Variants in HMCN1 observed in about 807,000 individuals in gnomAD.
The protein encoded by HMCN1 is hemicentin-1.
In HMCN1, 321 loss-of-function variants were observed where a neutral mutation model predicts 625.9. That is an observed-to-expected ratio of 0.51 (90% confidence interval 0.47 to 0.56). HMCN1 has a LOEUF of 0.56. HMCN1 is among the 20% of genes least tolerant of loss of function. HMCN1 has a pLI of 0.00. For synonymous variants in HMCN1, 2,425 were observed against 2,417.6 expected (o/e 1.00, Z -0.09); for missense variants, 6,588 against 6,887.3 (o/e 0.96, Z 1.54).
chr1:186,086,694 C>A (rs1056670697), intron 58 of HMCN1, among the ~76,000 whole-genome samples: 4 of 151,976 alleles, frequency 2.6e-5, no homozygotes, highest in Admixed American at 2.6e-4. Flanking sequence ...GCAAATAGTA[C>A]TTTCATTGGA....
chr1:186,010,955 T>C (rs1014816501), intron 30 of HMCN1, among the ~76,000 whole-genome samples: 3 of 152,118 alleles, frequency 2.0e-5, no homozygotes, highest in Non-Finnish European at 2.9e-5. Context: ...ATGAGAAAAA[T>C]AGAGTTATTT....
chr1:185,838,352 G>T (rs2102303538), intron 1 of HMCN1, among the ~76,000 whole-genome samples: 1 of 152,294 alleles, frequency 6.6e-6, no homozygotes, highest in South Asian at 2.1e-4. Flanking sequence ...CTGAGACTTG[G>T]CCTCTGGCCT....
intron 15 of HMCN1, among the ~76,000 whole-genome samples, chr1:185,975,786 T>G (rs757989877): frequency 2.9e-4 from 44 of 152,094 alleles, no homozygotes; most frequent in South Asian, 8.3e-4. Flanking sequence ...TTAACCTAAT[T>G]TAATTTTGTT....
chr1:185,880,029 G>A (rs1361460219), intron 4 of HMCN1, among the ~76,000 whole-genome samples: 1 of 152,140 alleles, frequency 6.6e-6, no homozygotes, highest in East Asian at 1.9e-4. Context: ...GGCAGGAGTG[G>A]GGAATGAAAA....
At chr1:186,037,764 T>A (rs1025012386) in intron 36 of HMCN1, among the ~76,000 whole-genome samples, 170 bp from the exon 37 acceptor site, 11 of 152,318 alleles carry the variant, frequency 7.2e-5, no homozygotes, top group African/African-American at 2.6e-4. Context: ...TACATTTTTT[T>A]AAATCCTGTT....
Position 186,023,138 on chromosome 1 carries a change from C to A in HMCN1, c.5734C>A (p.Gln1912Lys). 1 of 1,612,994 alleles carries A rather than the reference C, an allele frequency of 6.2e-7. No homozygotes were observed. Residue 1912 changes from glutamine (Q) to lysine (K), a missense_variant, in exon 36 of 107, where the codon CAA becomes AAA. By Grantham distance (53) the Gln-to-Lys change is moderately conservative (BLOSUM62 1). Coordinates refer to ENST00000271588, the MANE Select transcript of HMCN1 (RefSeq NM_031935.3). Reference protein sequence around the residue: ...NAAGETQQHIQLHVHEPPSLE... With the variant: ...NAAGETQQHIKLHVHEPPSLE... ...AGCTGGAGAAACACAACAGCACATT[C>A]AACTGCATGTTCATGGTAATGTAAT...
chr1:186,094,178 T>G, intron 66 of HMCN1, 98 bp from the exon 67 acceptor site: 8 of 972,872 alleles, frequency 8.2e-6, no homozygotes, highest in Non-Finnish European at 1.3e-5. Context: ...TTTCCCAACA[T>G]AAATCACCAC....
At chr1:186,156,336 G>C (rs1651018844) in intron 97 of HMCN1, among the ~76,000 whole-genome samples, 1 of 152,008 alleles carries the variant, frequency 6.6e-6, no homozygotes, top group Non-Finnish European at 1.5e-5. Context: ...ACATACAAAG[G>C]CGCTTCAAAA....
chr1:185,782,741 G>C (rs1657230265), intron 1 of HMCN1, among the ~76,000 whole-genome samples: 1 of 152,192 alleles, frequency 6.6e-6, no homozygotes, highest in Non-Finnish European at 1.5e-5. Context: ...GCTTCCCTTT[G>C]TGGGTAATCC....
chr1:185,842,239 G>C (rs560417054), intron 1 of HMCN1, among the ~76,000 whole-genome samples: 1 of 152,282 alleles, frequency 6.6e-6, no homozygotes, highest in Admixed American at 6.5e-5. Flanking sequence ...CAAATAGTAG[G>C]TGTTCAACGT....
intron 1 of HMCN1, among the ~76,000 whole-genome samples, chr1:185,786,889 G>A (rs537546043): frequency 1.0e-3 from 158 of 152,282 alleles, no homozygotes; most frequent in African/African-American, 3.7e-3. Flanking sequence ...ATTTCATAGG[G>A]AGACTTTTCA....
intron 70 of HMCN1, among the ~76,000 whole-genome samples, chr1:186,108,127 T>C (rs1417330506): frequency 2.0e-5 from 3 of 152,008 alleles, no homozygotes; most frequent in Non-Finnish European, 2.9e-5. Context: ...TTAAATCTTA[T>C]GTTCAGAGAA....
At chr1:186,046,919 T>C (rs956096746) in intron 41 of HMCN1, among the ~76,000 whole-genome samples, 1 of 152,112 alleles carries the variant, frequency 6.6e-6, no homozygotes, top group African/African-American at 2.4e-5. Context: ...ATCAGGTAAG[T>C]AATCTGCCCA....
At chr1:185,760,327 T>G (rs1393502955) in intron 1 of HMCN1, among the ~76,000 whole-genome samples, 1 of 152,154 alleles carries the variant, frequency 6.6e-6, no homozygotes, top group Non-Finnish European at 1.5e-5. Context: ...TCAAAGGTAA[T>G]GCACAGTGGA....
chr1:186,115,554 G>A lies in HMCN1; in HGVS notation c.11561+140G>A, dbSNP rs576473140. ...TATAGAGGGTTTTTTTCCTTAATATGGACTTAGTTTTTCAGCCTAAAATAT... is the reference window on the plus strand; with the variant it reads ...TATAGAGGGTTTTTTTCCTTAATATAGACTTAGTTTTTCAGCCTAAAATAT... On this transcript the variant is annotated intron_variant, in intron 75 of 106. Transcript: ENST00000271588. The A allele has an allele frequency of 3.0e-5, 24 of 790,074 alleles. No homozygotes were observed. In the East Asian group the frequency reaches 4.6e-4, roughly 15 times the overall value. The allele number at this position is 790,074 out of a possible 1,614,324, so 48.9% of individuals were successfully genotyped here.
chr1:185,866,723 C>G (rs1260148651), intron 4 of HMCN1, among the ~76,000 whole-genome samples: 1 of 151,830 alleles, frequency 6.6e-6, no homozygotes, highest in Non-Finnish European at 1.5e-5. Context: ...TCTTCTTTGT[C>G]CATTTTGCTG....
At chr1:185,777,052 A>T (rs920536688) in intron 1 of HMCN1, among the ~76,000 whole-genome samples, 1 of 152,242 alleles carries the variant, frequency 6.6e-6, no homozygotes, top group Non-Finnish European at 1.5e-5. Context: ...TGAATTCGCT[A>T]GATCCATACA....
chr1:186,130,802 C>T (rs766893309), intron 85 of HMCN1, 105 bp downstream of exon 85: 136 of 1,005,828 alleles, frequency 1.4e-4, no homozygotes, highest in Non-Finnish European at 1.9e-4. Context: ...CTATTTAAAT[C>T]ATAAAATCTG....
At chr1:185,930,783 T>C (rs894572084) in intron 10 of HMCN1, among the ~76,000 whole-genome samples, 13 of 152,142 alleles carry the variant, frequency 8.5e-5, no homozygotes, top group Admixed American at 6.6e-4. Flanking sequence ...TAGAATCTAA[T>C]GAATAAAACT....
Sources: allele counts gnomAD v4.1 joint callset (sites outside exome capture counted in the v4.1 genomes callset), GRCh38; gene constraint gnomAD v4.1.1; transcripts MANE v1.5; gene names NCBI Gene and HGNC (gene_info 2026-07-23, HGNC 2026-07-21).